The following CNTNAP2 variants were observed in gnomAD, a reference collection of about 807,000 sequenced individuals.
CNTNAP2 encodes the protein contactin-associated protein-like 2.
A neutral mutation model predicts 155.2 loss-of-function variants in CNTNAP2; 98 were observed. The observed-to-expected ratio is 0.63, with a 90% CI of 0.54 to 0.75. The LOEUF (loss-of-function observed/expected upper bound fraction) is 0.75. Among genes scored for constraint, CNTNAP2 ranks in the 30% least tolerant of loss-of-function variants. The pLI is 0.00. For synonymous variants in CNTNAP2, 651 were observed against 631.2 expected (o/e 1.03, Z -0.47); for missense variants, 1,727 against 1,688.1 (o/e 1.02, Z -0.40).
chr7:146,172,032 ATTTTTT>A (rs61619996), intron 1 of CNTNAP2, among the ~76,000 whole-genome samples: 47 of 67,630 alleles, frequency 6.9e-4, no homozygotes, highest in African/African-American at 1.8e-3. Flanking sequence ...TGCTCTTAGT[ATTTTTT>A]TTTTTTTTTT....
chr7:146,475,013 G>GCGCACACACA (rs71525954), intron 1 of CNTNAP2, among the ~76,000 whole-genome samples: 9 of 144,304 alleles, frequency 6.2e-5, no homozygotes, highest in Non-Finnish European at 6.1e-5. Flanking sequence ...GCGCGCGCGC[G>GCGCACACACA]CACACACACA....
intron 8 of CNTNAP2, among the ~76,000 whole-genome samples, chr7:147,153,274 G>A (rs192611419): frequency 3.0e-3 from 455 of 152,154 alleles, no homozygotes; most frequent in African/African-American, 0.011. Context: ...ACTATAGAGA[G>A]CTTAAACTGT....
intron 1 of CNTNAP2, among the ~76,000 whole-genome samples, chr7:146,231,042 A>ATAAATAAATAAATAAAT (rs76111973): frequency 2.5e-4 from 37 of 150,484 alleles, no homozygotes; most frequent in African/African-American, 8.5e-4. Flanking sequence ...AAATAAATAA[A>ATAAATAAATAAATAAAT]AAGTTAATAT....
intron 16 of CNTNAP2, among the ~76,000 whole-genome samples, chr7:148,125,504 G>C (rs1325687090): frequency 6.6e-6 from 1 of 152,056 alleles, no homozygotes; most frequent in Non-Finnish European, 1.5e-5. Context: ...TTCTGTTCCT[G>C]TGTTAGTTTG....
At chr7:146,872,989 G>A (rs1244843241) in intron 3 of CNTNAP2, among the ~76,000 whole-genome samples, 1 of 152,156 alleles carries the variant, frequency 6.6e-6, no homozygotes, top group Non-Finnish European at 1.5e-5. Context: ...CTTATTGCTT[G>A]TTTCCAATAT....
At chr7:147,850,811 T>G (rs572365591) in intron 13 of CNTNAP2, among the ~76,000 whole-genome samples, 110 of 152,246 alleles carry the variant, frequency 7.2e-4, no homozygotes, top group African/African-American at 2.6e-3. Context: ...CCTAAAACCA[T>G]AAAAACTCTA....
intron 13 of CNTNAP2, among the ~76,000 whole-genome samples, chr7:147,753,226 C>T (rs1453746968): frequency 2.0e-5 from 3 of 152,220 alleles, no homozygotes; most frequent in East Asian, 3.8e-4. Flanking sequence ...AAGACAAGGG[C>T]AGGCTCCTTG....
intron 1 of CNTNAP2, among the ~76,000 whole-genome samples, chr7:146,544,415 G>A (rs572842550): frequency 1.4e-4 from 21 of 151,864 alleles, no homozygotes; most frequent in Non-Finnish European, 1.9e-4. Context: ...CACACTTTCC[G>A]CTACATCTTA....
At chr7:146,566,190 C>G (rs770264772) in intron 1 of CNTNAP2, among the ~76,000 whole-genome samples, 2 of 152,190 alleles carry the variant, frequency 1.3e-5, no homozygotes, top group Non-Finnish European at 2.9e-5. Context: ...CTTAAGATAG[C>G]ATCGTCGTTT....
intron 13 of CNTNAP2, among the ~76,000 whole-genome samples, chr7:147,773,375 A>T (rs900744795): frequency 3.3e-5 from 5 of 152,060 alleles, no homozygotes; most frequent in African/African-American, 1.2e-4. Context: ...GGTGACTTAC[A>T]CCTATAGCCC....
At chr7:148,236,770 G>GGAA (rs1796047465) in intron 20 of CNTNAP2, among the ~76,000 whole-genome samples, 2 of 152,224 alleles carry the variant, frequency 1.3e-5, no homozygotes, top group African/African-American at 4.8e-5. Flanking sequence ...GGAGACCTCA[G>GGAA]GAAGCTTAGA....
At chr7:147,736,657 A>G (rs1796851522) in intron 13 of CNTNAP2, among the ~76,000 whole-genome samples, 1 of 152,176 alleles carries the variant, frequency 6.6e-6, no homozygotes, top group Non-Finnish European at 1.5e-5. Context: ...TTTCAGGTAC[A>G]CCAATCAGAC....
chr7:146,544,191 G>A (rs1584973822), intron 1 of CNTNAP2, among the ~76,000 whole-genome samples: 1 of 151,900 alleles, frequency 6.6e-6, no homozygotes, highest in Admixed American at 6.6e-5. Context: ...CTTTTCTTCT[G>A]TAATCACTGG....
chr7:147,037,572 C>T (rs111436385), intron 3 of CNTNAP2, among the ~76,000 whole-genome samples: 304 of 151,086 alleles, frequency 2.0e-3, no homozygotes, highest in African/African-American at 7.0e-3. Flanking sequence ...AGTGATTCTC[C>T]TGCCTCAGCC....
intron 10 of CNTNAP2, among the ~76,000 whole-genome samples, chr7:147,473,705 A>G (rs1798267319): frequency 6.6e-6 from 1 of 152,202 alleles, no homozygotes; most frequent in Non-Finnish European, 1.5e-5. Flanking sequence ...AAGAATATTT[A>G]TGCCTATGTA....
At chr7:147,567,806 C>T (rs1311527769) in intron 12 of CNTNAP2, among the ~76,000 whole-genome samples, 1 of 152,190 alleles carries the variant, frequency 6.6e-6, no homozygotes, top group Non-Finnish European at 1.5e-5. Flanking sequence ...AAATCTTTGG[C>T]CGGGCACGGC....
intron 14 of CNTNAP2, among the ~76,000 whole-genome samples, chr7:147,942,688 A>G (rs1008863752): frequency 1.3e-5 from 2 of 152,130 alleles, no homozygotes; most frequent in African/African-American, 4.8e-5. Flanking sequence ...AAATACAGAA[A>G]GCATATACTT....
At chr7:148,183,567 G>A (rs975699230) in intron 18 of CNTNAP2, among the ~76,000 whole-genome samples, 2 of 136,406 alleles carry the variant, frequency 1.5e-5, no homozygotes, top group East Asian at 4.5e-4. Flanking sequence ...CTGCATCCTC[G>A]ACCTCCTGGG....
chr7:146,170,245 C>T (rs1798370974), intron 1 of CNTNAP2, among the ~76,000 whole-genome samples: 1 of 152,066 alleles, frequency 6.6e-6, no homozygotes, highest in Non-Finnish European at 1.5e-5. Context: ...AGGCTGGTCT[C>T]AAACTCCTGA....
Sources: gnomAD v4.1 joint callset for allele counts (sites outside exome capture counted in the v4.1 genomes callset) on GRCh38, gnomAD v4.1.1 for gene constraint, MANE v1.5 for transcripts, NCBI Gene and HGNC (gene_info 2026-07-23, HGNC 2026-07-21) for gene names.